TPGS2: variants seen among roughly 807,000 people sequenced by gnomAD.
TPGS2 encodes tubulin polyglutamylase complex subunit 2, also known as polyglutamylase subunit 2.
TPGS2 carries 26 observed loss-of-function variants against 31.1 expected under a neutral mutation model. That is an observed-to-expected ratio of 0.84 (90% confidence interval 0.61 to 1.16). TPGS2 has a LOEUF of 1.16. TPGS2 is among the 50% of genes most tolerant of loss of function. TPGS2 has a pLI of 0.00. For synonymous variants in TPGS2, 130 were observed against 136.6 expected (o/e 0.95, Z 0.34); for missense variants, 351 against 363.8 (o/e 0.96, Z 0.29).
At chr18:36,780,457 AATGGAAAT>A (rs1171654074), downstream of TPGS2, among the ~76,000 whole-genome samples, 1 of 152,196 alleles carries the variant, frequency 6.6e-6, no homozygotes, top group Non-Finnish European at 1.5e-5. Context: ...ACCAAAACAA[AATGGAAAT>A]GTAAAGCTTT....
At chr18:36,811,610 G>A (rs1350427256) in intron 2 of TPGS2, among the ~76,000 whole-genome samples, 1 of 152,150 alleles carries the variant, frequency 6.6e-6, no homozygotes, top group African/African-American at 2.4e-5. Flanking sequence ...AGTGGGGGAA[G>A]CCTTTGCATC....
chr18:36,828,886 C>A lies in TPGS2; in HGVS notation c.-119G>T. The A allele has an allele frequency of 2.3e-6, 3 of 1,285,182 alleles. No homozygotes were observed. The highest frequency in any genetic ancestry group is 2.2e-5 in the Admixed American group (1 of 46,008). 79.6% of individuals were successfully genotyped at this position (1,285,182 alleles called of 1,614,324 possible). On this transcript the variant is annotated 5_prime_UTR_variant, in exon 1 of 7. Transcript: ENST00000334295. ...TAGTTCTCGGCGCCTGAAAGCGCGG[C>A]GCAGTGATGATGGGGGCCCGGGGTT...
intron 2 of TPGS2, among the ~76,000 whole-genome samples, chr18:36,815,825 CTTA>C (rs958563890): frequency 1.3e-5 from 2 of 151,548 alleles, no homozygotes; most frequent in African/African-American, 4.9e-5. Context: ...CTGTTAGTAT[CTTA>C]TTTTTAAAAT....
chr18:36,787,540 TAAG>T (rs2044167515), intron 6 of TPGS2, among the ~76,000 whole-genome samples: 1 of 152,214 alleles, frequency 6.6e-6, no homozygotes, highest in South Asian at 2.1e-4. Context: ...AATTTTCAAA[TAAG>T]AACTGAATAA....
In TPGS2 at chr18:36,794,939, G is replaced by C; in HGVS notation, c.*1866C>G. ...TAGTTTTGGGATTGAAAAGGTAAGA[G>C]GTCTCGCTATTTTAAAGCAAATGAA... On this transcript the variant is annotated 3_prime_UTR_variant, in exon 7 of 7. Transcript: ENST00000334295. 4.1e-6 allele frequency: 4 copies of C among 984,864 alleles called. No homozygotes were observed. Among genetic ancestry groups the C allele is most frequent in the Non-Finnish European group, 4.8e-6 (4 of 829,950 alleles). The allele number at this position is 984,864 out of a possible 1,614,324, so 61.0% of individuals were successfully genotyped here.
chr18:36,805,625 A>G (rs1373569134), intron 3 of TPGS2, 123 bp from the exon 4 acceptor site: 1 of 1,328,032 alleles, frequency 7.5e-7, no homozygotes, highest in Non-Finnish European at 1.1e-6. Context: ...GACGAATCTG[A>G]TGGAAGGTGG....
At chr18:36,788,370 TAAACAC>T (rs573057194) in intron 6 of TPGS2, among the ~76,000 whole-genome samples, 51 of 152,320 alleles carry the variant, frequency 3.3e-4, no homozygotes, top group Admixed American at 1.8e-3. Flanking sequence ...ACCAGGCACT[TAAACAC>T]AAACCCTCAA....
chr18:36,826,094 G>A (rs768366050), intron 1 of TPGS2, among the ~76,000 whole-genome samples: 2 of 152,042 alleles, frequency 1.3e-5, no homozygotes, highest in African/African-American at 2.4e-5. Flanking sequence ...CTGGAGTGCT[G>A]TGGTGTGATC....
chr18:36,794,772 A>G lies in TPGS2; in HGVS notation c.*2033T>C. 1 of 984,628 alleles carries G rather than the reference A, an allele frequency of 1.0e-6. No individual in the cohort carries two copies. Among genetic ancestry groups the G allele is most frequent in the Non-Finnish European group, 1.2e-6 (1 of 829,874 alleles). The allele number at this position is 984,628 out of a possible 1,614,324, so 61.0% of individuals were successfully genotyped here. ...ATAAATCCTTGAAGTATAATAACCT[A>G]AACAACTAAAAGGGCCAAAATGTCT... On this transcript the variant is annotated 3_prime_UTR_variant, in exon 7 of 7. Transcript: ENST00000334295.
At chr18:36,827,993 G>A (rs1299793931) in intron 1 of TPGS2, among the ~76,000 whole-genome samples, 2 of 152,050 alleles carry the variant, frequency 1.3e-5, no homozygotes, top group Admixed American at 1.3e-4. Context: ...GATCACCTGA[G>A]GTCAGGAGTT....
At chr18:36,819,549 G>A (rs759866809) in intron 1 of TPGS2, among the ~76,000 whole-genome samples, 10 of 152,076 alleles carry the variant, frequency 6.6e-5, no homozygotes, top group Non-Finnish European at 7.4e-5. Flanking sequence ...AAATAATCTG[G>A]TCTGCTTCTC....
downstream of TPGS2, among the ~76,000 whole-genome samples, chr18:36,781,349 G>T (rs992975650): frequency 2.6e-5 from 4 of 152,134 alleles, no homozygotes; most frequent in African/African-American, 9.7e-5. Flanking sequence ...TTCCACCTTT[G>T]TCCTACTTTT....
At chr18:36,797,192 CTTCCT>C in intron 6 of TPGS2, 142 bp from the exon 7 acceptor site, 1 of 1,485,966 alleles carries the variant, frequency 6.7e-7, no homozygotes, top group African/African-American at 1.4e-5. Flanking sequence ...TCTATTTGCT[CTTCCT>C]TTAAGTGGAG....
intron 6 of TPGS2, chr18:36,786,805 A>T: frequency 1.6e-6 from 2 of 1,234,086 alleles, no homozygotes; most frequent in Non-Finnish European, 2.0e-6. Context: ...TTGGTTGGAG[A>T]GTTTTATTTG....
At chr18:36,820,401 C>T (rs888865097) in intron 1 of TPGS2, among the ~76,000 whole-genome samples, 3 of 152,152 alleles carry the variant, frequency 2.0e-5, no homozygotes, top group Non-Finnish European at 2.9e-5. Flanking sequence ...GGTAATTGGC[C>T]AACATGTTGA....
intron 6 of TPGS2, among the ~76,000 whole-genome samples, chr18:36,784,481 G>A (rs2150519215): frequency 6.6e-6 from 1 of 152,326 alleles, no homozygotes; most frequent in Non-Finnish European, 1.5e-5. Flanking sequence ...GATAGGGGAT[G>A]AAATGCCTTT....
At chr18:36,826,925 G>GT (rs940214965) in intron 1 of TPGS2, among the ~76,000 whole-genome samples, 5 of 151,830 alleles carry the variant, frequency 3.3e-5, no homozygotes, top group East Asian at 1.9e-4. Flanking sequence ...AGTTTGTTGA[G>GT]TTTTTTTTAA....
intron 1 of TPGS2, among the ~76,000 whole-genome samples, chr18:36,825,019 T>G (rs1157880884): frequency 1.3e-5 from 2 of 152,206 alleles, no homozygotes; most frequent in African/African-American, 4.8e-5. Flanking sequence ...CTTTTGGAGT[T>G]AATTTTTGTA....
In TPGS2 at chr18:36,794,965, G is replaced by A; in HGVS notation, c.*1840C>T. 2 of 985,080 alleles carry A rather than the reference G, an allele frequency of 2.0e-6. No homozygotes were observed. Among genetic ancestry groups the A allele is most frequent in the Admixed American group, 6.2e-5 (1 of 16,226 alleles). 61.0% of individuals were successfully genotyped at this position (985,080 alleles called of 1,614,324 possible). A position where few individuals can be genotyped will look rare whatever the true frequency, so the allele number is the denominator to read the frequency against. On this transcript the variant is annotated 3_prime_UTR_variant, in exon 7 of 7. Coordinates refer to ENST00000334295, the MANE Select transcript of TPGS2 (RefSeq NM_015476.4). ...GTCTCGCTATTTTAAAGCAAATGAAGAAGCTGTTAATACGAAGCTCAGTTT... is the reference window on the plus strand; with the variant it reads ...GTCTCGCTATTTTAAAGCAAATGAAAAAGCTGTTAATACGAAGCTCAGTTT...
Sources: gnomAD v4.1 joint callset for allele counts (sites outside exome capture counted in the v4.1 genomes callset) on GRCh38, gnomAD v4.1.1 for gene constraint, MANE v1.5 for transcripts, NCBI Gene and HGNC (gene_info 2026-07-23, HGNC 2026-07-21) for gene names.